The following PLXDC2 variants were observed in gnomAD, a reference collection of about 807,000 sequenced individuals.
PLXDC2 encodes the protein plexin domain-containing protein 2.
Under a neutral mutation model 68.9 loss-of-function variants are expected in PLXDC2, and 40 were observed. The observed-to-expected ratio is 0.58, with a 90% CI of 0.45 to 0.76. The LOEUF is 0.76. Among genes scored for constraint, PLXDC2 ranks in the 30% least tolerant of loss-of-function variants. PLXDC2 has a pLI of 0.00. For missense variants in PLXDC2, 644 were observed against 661.9 expected, an observed-to-expected ratio of 0.97 and a Z score of 0.30; for synonymous variants, 243 against 234.2, an observed-to-expected ratio of 1.04 and a Z score of -0.34.
At chr10:19,944,328 A>G (rs1445273090) in intron 1 of PLXDC2, among the ~76,000 whole-genome samples, 1 of 151,930 alleles carries the variant, frequency 6.6e-6, no homozygotes, top group African/African-American at 2.4e-5. Flanking sequence ...CAGAGTATAT[A>G]TGAATTCACA....
intron 2 of PLXDC2, among the ~76,000 whole-genome samples, chr10:20,037,535 G>A (rs1205295927): frequency 6.6e-6 from 1 of 152,106 alleles, no homozygotes; most frequent in African/African-American, 2.4e-5. Flanking sequence ...AGTCTTTGGG[G>A]CTCATTCTTG....
intron 4 of PLXDC2, among the ~76,000 whole-genome samples, chr10:20,126,203 A>G (rs1040093227): frequency 6.9e-6 from 1 of 144,524 alleles, no homozygotes; most frequent in Non-Finnish European, 1.5e-5. Context: ...ATATGTATAC[A>G]CACACATATA....
chr10:20,015,950 C>T (rs1447871799), intron 2 of PLXDC2, among the ~76,000 whole-genome samples: 1 of 152,184 alleles, frequency 6.6e-6, no homozygotes, highest in Non-Finnish European at 1.5e-5. Context: ...GTAACGACTT[C>T]TGTAGTCTGA....
At chr10:20,198,434 A>G (rs574040665) in intron 9 of PLXDC2, among the ~76,000 whole-genome samples, 5 of 152,166 alleles carry the variant, frequency 3.3e-5, no homozygotes, top group African/African-American at 1.2e-4. Flanking sequence ...ACTAATCCCA[A>G]TGTTTTATTT....
intron 1 of PLXDC2, among the ~76,000 whole-genome samples, chr10:19,990,913 A>G (rs1331196104): frequency 6.6e-6 from 1 of 152,190 alleles, no homozygotes; most frequent in Non-Finnish European, 1.5e-5. Flanking sequence ...AAAAAAGTGA[A>G]AAAAATCTTA....
intron 1 of PLXDC2, among the ~76,000 whole-genome samples, chr10:19,819,673 T>C (rs1038991514): frequency 2.6e-5 from 4 of 152,248 alleles, no homozygotes; most frequent in African/African-American, 9.6e-5. Flanking sequence ...TATTATTCCC[T>C]TTTCTGTTTT....
chr10:20,060,808 C>T (rs1163711903), intron 3 of PLXDC2, among the ~76,000 whole-genome samples: 1 of 151,996 alleles, frequency 6.6e-6, no homozygotes, highest in Non-Finnish European at 1.5e-5. Flanking sequence ...TTAAAGATTC[C>T]AGGTAGAAAA....
chr10:20,254,613 T>C lies in PLXDC2; in HGVS notation c.1473+9108T>C, dbSNP rs144600874. Among the ~76,000 whole-genome samples, 164 of 152,336 alleles carry C rather than the reference T, an allele frequency of 1.1e-3. No individual in the cohort carries two copies. In the East Asian group the frequency reaches 0.016, roughly 15 times the overall value. ...ATTTCTTAGCCGAAGAAAAAGATGGTATTCATTTTTTTATGGCCTGCTGCA... is the reference window on the plus strand; with the variant it reads ...ATTTCTTAGCCGAAGAAAAAGATGGCATTCATTTTTTTATGGCCTGCTGCA... On this transcript the variant is annotated intron_variant, in intron 13 of 13. Transcript: ENST00000377252.
chr10:20,115,689 C>T (rs1327197205), intron 4 of PLXDC2, among the ~76,000 whole-genome samples: 3 of 152,118 alleles, frequency 2.0e-5, no homozygotes, highest in African/African-American at 4.8e-5. Context: ...CCATACTTCC[C>T]ATATCTAAAA....
At chr10:19,865,118 T>C (rs1837389772) in intron 1 of PLXDC2, among the ~76,000 whole-genome samples, 1 of 152,130 alleles carries the variant, frequency 6.6e-6, no homozygotes, top group South Asian at 2.1e-4. Flanking sequence ...AAGTTGTAGT[T>C]GTTAGGTTGT....
intron 2 of PLXDC2, among the ~76,000 whole-genome samples, chr10:20,027,516 T>C (rs559987218): frequency 4.6e-4 from 70 of 152,232 alleles, no homozygotes; most frequent in Admixed American, 3.3e-3. Flanking sequence ...AAAATGAATT[T>C]CTTCTTTTTA....
intron 1 of PLXDC2, among the ~76,000 whole-genome samples, chr10:19,832,004 A>T (rs544382503): frequency 6.6e-6 from 1 of 152,322 alleles, no homozygotes; most frequent in African/African-American, 2.4e-5. Flanking sequence ...AGTTTTTGTT[A>T]GTCCAATAAT....
At chr10:20,110,104 G>C (rs769872246) in intron 4 of PLXDC2, among the ~76,000 whole-genome samples, 7 of 152,190 alleles carry the variant, frequency 4.6e-5, no homozygotes, top group Non-Finnish European at 7.3e-5. Context: ...GGGAACACAA[G>C]ACATCTGCCT....
intron 9 of PLXDC2, among the ~76,000 whole-genome samples, chr10:20,199,125 A>G (rs1384199144): frequency 3.3e-5 from 5 of 152,122 alleles, no homozygotes; most frequent in Non-Finnish European, 7.4e-5. Context: ...GAATATAAAT[A>G]TGGTTTAATT....
chr10:19,900,045 T>C (rs1050502468), intron 1 of PLXDC2, among the ~76,000 whole-genome samples: 4 of 152,172 alleles, frequency 2.6e-5, no homozygotes, highest in Non-Finnish European at 5.9e-5. Context: ...TCTTGGAATT[T>C]CAATTTGGCC....
In PLXDC2 at chr10:19,996,260, A is replaced by G. The variant is rs150169891; in HGVS notation, c.113-5515A>G. On this transcript the variant is annotated intron_variant, in intron 1 of 13. Transcript: ENST00000377252. ...GTTTAAGACCAGCCTGGGCAACAAA[A>G]TGAGACCTCCATCTCTACAAGAAAT... 5.4e-3 allele frequency among the ~76,000 whole-genome samples: 818 copies of G among 152,022 alleles called. 28 individuals are homozygous for G. The East Asian group carries it at 0.089, about 17-fold the overall frequency.
intron 10 of PLXDC2, among the ~76,000 whole-genome samples, chr10:20,214,008 C>T (rs1308886432): frequency 1.3e-5 from 2 of 152,074 alleles, no homozygotes; most frequent in Non-Finnish European, 2.9e-5. Flanking sequence ...TATTAACTCT[C>T]CCTTCATCTT....
At chr10:19,964,296 T>C (rs937979612) in intron 1 of PLXDC2, among the ~76,000 whole-genome samples, 1 of 152,180 alleles carries the variant, frequency 6.6e-6, no homozygotes, top group African/African-American at 2.4e-5. Context: ...TTTTGTCGGT[T>C]GGTTGGTTTT....
chr10:20,058,936 G>A (rs1423024653), intron 3 of PLXDC2, among the ~76,000 whole-genome samples: 2 of 152,144 alleles, frequency 1.3e-5, no homozygotes, highest in South Asian at 2.1e-4. Context: ...TCTTTCCAAA[G>A]TTTCCTTACA....
Sources: allele counts gnomAD v4.1 joint callset (sites outside exome capture counted in the v4.1 genomes callset), GRCh38; gene constraint gnomAD v4.1.1; transcripts MANE v1.5; gene names NCBI Gene and HGNC (gene_info 2026-07-23, HGNC 2026-07-21).